Variants in VPS53 observed in about 807,000 individuals in gnomAD.
The protein encoded by VPS53 is VPS53 subunit of GARP complex, also known as vacuolar protein sorting-associated protein 53 homolog.
A neutral mutation model predicts 107.0 loss-of-function variants in VPS53; 70 were observed. The ratio of observed to expected loss-of-function variants is 0.65; its 90% CI spans 0.54 to 0.80. The LOEUF (loss-of-function observed/expected upper bound fraction) is 0.80, where lower values mean the gene tolerates loss of function less well. Ranked by LOEUF, VPS53 falls within the 30% of genes least tolerant of loss-of-function variation. The pLI is 0.00. For missense variants in VPS53, 917 were observed against 1,049.4 expected (o/e 0.87, Z 1.74); for synonymous variants, 409 against 393.3 (o/e 1.04, Z -0.47).
At chr17:663,719 G>A (rs192745315) in intron 4 of VPS53, among the ~76,000 whole-genome samples, 129 of 152,310 alleles carry the variant, frequency 8.5e-4, no homozygotes, top group Non-Finnish European at 1.5e-3. Flanking sequence ...TTCTAGGCAC[G>A]AGTCAGCATC....
rs747514735 is a variant in VPS53, at chr17:551,906, G to A, written c.1832C>T (p.Ala611Val). 1.0e-5 allele frequency: 16 copies of A among 1,605,120 alleles called. No homozygotes were observed. The South Asian group carries it at 1.7e-4, about 17-fold the overall frequency. ...GGCAGTCAGGGCAGGATCACAGGCA[G>A]CATCCAGATCCTGAACCAGCAGCTG... ...SIQLLVQDLD[A>V]ACDPALTAMS... is the part of the protein sequence containing the mutation. Residue 611 changes from alanine (A) to valine (V), a missense_variant, in exon 17 of 22, where the codon GCT (alanine) becomes GTT (valine). Coordinates refer to ENST00000437048, the MANE Select transcript of VPS53 (RefSeq NM_001128159.3).
rs920596983 is a variant in VPS53 at position 571,142 on chromosome 17, G to A, written c.1314-8397C>T. ...AGCCCGAGCAACATGGTGAGACCCT[G>A]TCTCTACAAAAAAACAAAAATTAGA... is the stretch of plus-strand genomic sequence containing the variant. On this transcript the variant is annotated intron_variant, in intron 13 of 21. Coordinates refer to ENST00000437048, the MANE Select transcript of VPS53 (RefSeq NM_001128159.3). Among the ~76,000 whole-genome samples the A allele has an allele frequency of 4.7e-5, 7 of 147,932 alleles. No homozygotes were observed. The South Asian group carries it at 1.1e-3, about 23-fold the overall frequency.
chr17:604,923 C>T (rs537367967), intron 11 of VPS53, among the ~76,000 whole-genome samples: 3 of 152,300 alleles, frequency 2.0e-5, no homozygotes, highest in Admixed American at 6.5e-5. Flanking sequence ...ACAGGCCAGC[C>T]TCCGCCCTCA....
chr17:681,206 G>A (rs1219361827), intron 4 of VPS53, among the ~76,000 whole-genome samples: 2 of 152,030 alleles, frequency 1.3e-5, no homozygotes, highest in Non-Finnish European at 2.9e-5. Flanking sequence ...GTGCAATTTC[G>A]GCTCACCGCA....
At chr17:661,292 C>A (rs902850924) in intron 5 of VPS53, among the ~76,000 whole-genome samples, 1 of 151,824 alleles carries the variant, frequency 6.6e-6, no homozygotes, top group Non-Finnish European at 1.5e-5. Flanking sequence ...GAGGCCGAGG[C>A]GGGCGGATCA....
At chr17:563,588 G>A (rs767113400) in intron 13 of VPS53, among the ~76,000 whole-genome samples, 2 of 152,134 alleles carry the variant, frequency 1.3e-5, no homozygotes, top group African/African-American at 2.4e-5. Context: ...GCCACTCACT[G>A]CGCCCAGCTC....
Position 710,608 on chromosome 17 carries a change from A to C in VPS53, c.93T>G (p.Phe31Leu), listed in dbSNP as rs1357647778. The change falls in exon 2 of 22, where the codon TTT becomes TTG. Residue 31 changes from phenylalanine (F) to leucine (L), a missense_variant. Phe to Leu is a conservative substitution (Grantham distance 22, BLOSUM62 0). Transcript: ENST00000437048. ...CTCGATCTAGAGGGTCCTGGCTTGG[A>C]AACACCTATATAGAAAGAGAGGAGT... ...PEVQLAIEQV[F>L]PSQDPLDRAD... 3.7e-6 allele frequency: 6 copies of C among 1,610,718 alleles called. No individual in the cohort carries two copies. In the South Asian group the frequency reaches 6.6e-5, roughly 18 times the overall value.
intron 4 of VPS53, among the ~76,000 whole-genome samples, chr17:672,566 C>T (rs1259392470): frequency 6.6e-6 from 1 of 152,164 alleles, no homozygotes; most frequent in Non-Finnish European, 1.5e-5. Flanking sequence ...AGTTCAGTAT[C>T]TGCAGGCAGA....
chr17:631,925 G>A (rs1024944837), intron 7 of VPS53, among the ~76,000 whole-genome samples: 7 of 152,068 alleles, frequency 4.6e-5, no homozygotes, highest in Non-Finnish European at 7.4e-5. Flanking sequence ...GTCATGCTGT[G>A]GGAAAATGTT....
intron 13 of VPS53, among the ~76,000 whole-genome samples, chr17:563,296 T>A (rs1913193826): frequency 1.0e-5 from 1 of 96,576 alleles, no homozygotes. Flanking sequence ...CCTTTTTTTT[T>A]TTTTTTTTTT....
intron 17 of VPS53, among the ~76,000 whole-genome samples, chr17:549,689 G>A (rs1474809146): frequency 6.6e-6 from 1 of 152,156 alleles, no homozygotes; most frequent in African/African-American, 2.4e-5. Flanking sequence ...AGCTGGCACA[G>A]ATCCCACTCA....
intron 12 of VPS53, among the ~76,000 whole-genome samples, chr17:596,753 A>G (rs943747533): frequency 9.9e-5 from 15 of 152,236 alleles, no homozygotes; most frequent in African/African-American, 3.4e-4. Context: ...CTTTGCACCA[A>G]GCAACTGCCC....
rs192581747 is a variant in VPS53 at position 610,019 on chromosome 17, C to A, written c.1117-8123G>T. On this transcript the variant is annotated intron_variant, in intron 11 of 21. Coordinates refer to ENST00000437048, the MANE Select transcript of VPS53 (RefSeq NM_001128159.3). ...TGGTGGCGGGCGCCTGTAGTCCCAGCTACGCGGAGGCTGAGGCAGGAGAAT... is the reference window on the plus strand; with the variant it reads ...TGGTGGCGGGCGCCTGTAGTCCCAGATACGCGGAGGCTGAGGCAGGAGAAT... 3.6e-3 allele frequency among the ~76,000 whole-genome samples: 548 copies of A among 151,916 alleles called. 1 individual carries two copies. Among genetic ancestry groups the A allele is most frequent in the Non-Finnish European group, 6.5e-3 (441 of 67,934 alleles).
chr17:580,278 GA>G (rs1567645582), intron 13 of VPS53, among the ~76,000 whole-genome samples: 1 of 149,734 alleles, frequency 6.7e-6, no homozygotes, highest in Non-Finnish European at 1.5e-5. Flanking sequence ...CGTTCCCAGA[GA>G]AATTCCCTCA....
At chr17:566,191 G>A (rs1287216948) in intron 13 of VPS53, among the ~76,000 whole-genome samples, 3 of 139,568 alleles carry the variant, frequency 2.1e-5, no homozygotes, top group East Asian at 2.0e-4. Flanking sequence ...GCGACAGAGC[G>A]AGACTCCGTC....
chr17:669,988 CT>C (rs893036987), intron 4 of VPS53, among the ~76,000 whole-genome samples: 12 of 152,130 alleles, frequency 7.9e-5, no homozygotes, highest in African/African-American at 2.9e-4. Context: ...GAACTAATCA[CT>C]CCCAAAAATG....
chr17:679,486 C>T (rs926202720), intron 4 of VPS53, among the ~76,000 whole-genome samples: 2 of 151,990 alleles, frequency 1.3e-5, no homozygotes, highest in Non-Finnish European at 2.9e-5. Context: ...TGCACTCCAG[C>T]CTGAGCAACA....
chr17:572,151 C>T (rs1407253013), intron 13 of VPS53, among the ~76,000 whole-genome samples: 10 of 148,868 alleles, frequency 6.7e-5, no homozygotes, highest in Non-Finnish European at 9.0e-5. Context: ...CGTCTCTGCC[C>T]GGCCGCCCAT....
chr17:571,037 G>C (rs1257554115), intron 13 of VPS53, among the ~76,000 whole-genome samples: 4 of 152,238 alleles, frequency 2.6e-5, no homozygotes, highest in Non-Finnish European at 5.9e-5. Context: ...AAAAAGTACA[G>C]GTTGGGCACA....
Sources: allele counts gnomAD v4.1 joint callset (sites outside exome capture counted in the v4.1 genomes callset), GRCh38; gene constraint gnomAD v4.1.1; transcripts MANE v1.5; gene names NCBI Gene and HGNC (gene_info 2026-07-23, HGNC 2026-07-21).